A2M: variants seen among roughly 807,000 people sequenced by gnomAD.
The protein encoded by A2M is C3 and PZP-like alpha-2-macroglobulin domain-containing protein 5.
In A2M, 128 loss-of-function variants were observed where a neutral mutation model predicts 183.9. The observed-to-expected ratio is 0.70, with a 90% CI of 0.60 to 0.81. The LOEUF (loss-of-function observed/expected upper bound fraction) is 0.81, where lower values mean the gene tolerates loss of function less well. Among genes scored for constraint, A2M ranks in the 30% least tolerant of loss-of-function variants. The pLI, the probability that A2M is intolerant of heterozygous loss-of-function variation, is 0.00. For synonymous variants in A2M, 592 were observed against 670.8 expected, an observed-to-expected ratio of 0.88 and a Z score of 1.81; for missense variants, 1,495 against 1,787.6, an observed-to-expected ratio of 0.84 and a Z score of 2.95.
rs747761566 is a variant in A2M at position 9,079,619 on chromosome 12, T to A, written c.3031+20A>T. The A allele has an allele frequency of 6.2e-6, 10 of 1,604,346 alleles. No individual in the cohort carries two copies. In the South Asian group the frequency reaches 1.1e-4, roughly 18 times the overall value. On this transcript the variant is annotated intron_variant, in intron 24 of 35. Transcript: ENST00000318602. ...GTTGAAATAACATTCAAGTTTTCCC[T>A]TACTCAAGTAATCACTCACCAGTGT...
chr12:9,094,984 A>G lies in A2M; in HGVS notation c.2114T>C (p.Val705Ala). Residue 705 changes from valine to alanine, a missense_variant, in exon 17 of 36, where the codon GTA becomes GCA. Transcript: ENST00000318602. ...AATTTTTTGTTTACCATAAAAACCT[A>G]CACGTAGACCTTCAGGTCCATGCAT... Reference protein sequence around the residue: ...YEMHGPEGLRVGFYESDVMGR... With the variant: ...YEMHGPEGLRAGFYESDVMGR... 6.4e-7 allele frequency: 1 copy of G among 1,551,798 alleles called. No individual in the cohort carries two copies. The highest frequency in any genetic ancestry group is 8.7e-7 in the Non-Finnish European group (1 of 1,148,608).
chr12:9,082,959 G>A (rs1202179922), intron 22 of A2M, among the ~76,000 whole-genome samples: 1 of 152,172 alleles, frequency 6.6e-6, no homozygotes, highest in Non-Finnish European at 1.5e-5. Context: ...TGGGTCAAAT[G>A]TATTTCTAGT....
chr12:9,070,623 A>G, intron 31 of A2M, 45 bp from the exon 32 acceptor site: 1 of 1,382,782 alleles, frequency 7.2e-7, no homozygotes, highest in Non-Finnish European at 1.0e-6. Flanking sequence ...CTGTGTTTTT[A>G]AATATTTTCT....
chr12:9,068,718 C>A, intron 34 of A2M, 22 bp downstream of exon 34: 2 of 1,535,666 alleles, frequency 1.3e-6, no homozygotes, highest in Non-Finnish European at 1.8e-6. Context: ...AATATTTCTA[C>A]GTGAAAATCA....
At chr12:9,081,396 T>G (rs1392242847) in intron 22 of A2M, among the ~76,000 whole-genome samples, 2 of 152,136 alleles carry the variant, frequency 1.3e-5, no homozygotes, top group Admixed American at 1.3e-4. Flanking sequence ...ATTTAGGTAA[T>G]AAAGAGGAGG....
At chr12:9,107,476 A>C (rs1592388465) in intron 8 of A2M, 48 bp downstream of exon 8, 1 of 1,601,030 alleles carries the variant, frequency 6.2e-7, no homozygotes, top group East Asian at 2.2e-5. Context: ...ACTGCTTTTC[A>C]ACAATGCCTT....
chr12:9,110,897 A>G (rs947146793), intron 4 of A2M, among the ~76,000 whole-genome samples: 7 of 152,172 alleles, frequency 4.6e-5, no homozygotes, highest in African/African-American at 1.7e-4. Flanking sequence ...AGTGCCATTT[A>G]CTAAAAATGG....
Position 9,112,206 on chromosome 12 carries a change from ATTTC to A in A2M, c.432_435del (p.Lys145PhefsTer13). On this transcript the variant is annotated frameshift_variant and splice_region_variant, in exon 4 of 36. Transcript: ENST00000318602. LOFTEE classifies it high-confidence loss of function. ...TTTTCATCCATGGAGACAACACGAA[ATTTC>A]ACTGAAACAGAAATATTTTTCATGA... The A allele has an allele frequency of 6.2e-7, 1 of 1,613,840 alleles. No homozygotes were observed. The highest frequency in any genetic ancestry group is 8.5e-7 in the Non-Finnish European group (1 of 1,179,774).
At chr12:9,091,503 A>G in intron 18 of A2M, 74 bp from the exon 19 acceptor site, 3 of 1,492,398 alleles carry the variant, frequency 2.0e-6, no homozygotes, top group Non-Finnish European at 2.8e-6. Flanking sequence ...AATCCCTAGG[A>G]ATGATTCTAC....
At chr12:9,102,371 C>A (rs754467764) in intron 11 of A2M, among the ~76,000 whole-genome samples, 6 of 152,064 alleles carry the variant, frequency 3.9e-5, no homozygotes, top group Non-Finnish European at 5.9e-5. Context: ...CATGCCACCC[C>A]ACCCAGCTAA....
In A2M at chr12:9,093,787, G is replaced by A. The variant is rs756041055; in HGVS notation, c.2126-208C>T. Among the ~76,000 whole-genome samples, 20 of 149,738 alleles carry A rather than the reference G, an allele frequency of 1.3e-4. 1 individual carries two copies. The South Asian group carries it at 2.9e-3, about 22-fold the overall frequency. On this transcript the variant is annotated intron_variant, in intron 17 of 35. Transcript: ENST00000318602. ...CTTAACAAGCCAGGAGAGGCCGGGC[G>A]CGGTGGCTCATGCCTGTAATCCCAG...
At chr12:9,105,302 G>A (rs978980848) in intron 10 of A2M, among the ~76,000 whole-genome samples, 1 of 152,168 alleles carries the variant, frequency 6.6e-6, no homozygotes, top group Non-Finnish European at 1.5e-5. Flanking sequence ...TCTAGCTAGA[G>A]AGTCTTATGA....
intron 6 of A2M, 95 bp downstream of exon 6, chr12:9,109,772 G>A (rs940329387): frequency 4.0e-6 from 5 of 1,252,128 alleles, no homozygotes; most frequent in African/African-American, 1.5e-5. Flanking sequence ...TGTCACCCAT[G>A]GGAAATGGAA....
In A2M at chr12:9,106,268, G is replaced by A. The variant is rs1938275277; in HGVS notation, c.1072C>T (p.His358Tyr). ...AAGAAGGGAATTCCCTGTCGAAAGT[G>A]TGAGTCCACTTTCACAAATGAGAGT... Reference protein sequence around the residue: ...TKLSFVKVDSHFRQGIPFFGQ... With the variant: ...TKLSFVKVDSYFRQGIPFFGQ... Residue 358 changes from histidine to tyrosine, a missense_variant, in exon 10 of 36, where the codon CAC becomes TAC. Coordinates refer to ENST00000318602, the MANE Select transcript of A2M (RefSeq NM_000014.6). 11 of 1,613,066 alleles carry A rather than the reference G, an allele frequency of 6.8e-6. No homozygotes were observed. In the East Asian group the frequency reaches 2.5e-4, roughly 36 times the overall value.
chr12:9,106,744 T>C, intron 8 of A2M, 139 bp from the exon 9 acceptor site: 1 of 466,424 alleles, frequency 2.1e-6, no homozygotes, highest in East Asian at 3.1e-5. Flanking sequence ...ATAAATATTC[T>C]CTAGCAACTA....
intron 22 of A2M, among the ~76,000 whole-genome samples, chr12:9,082,686 G>C (rs549557342): frequency 5.7e-4 from 86 of 152,144 alleles, no homozygotes; most frequent in Non-Finnish European, 1.1e-3. Context: ...AACTGGCCAA[G>C]CTCAAAAAAT....
chr12:9,111,075 T>C (rs2137967128), intron 4 of A2M, among the ~76,000 whole-genome samples: 1 of 152,290 alleles, frequency 6.6e-6, no homozygotes, highest in East Asian at 1.9e-4. Context: ...TGAGGAGGAA[T>C]GGACATATTT....
intron 15 of A2M, among the ~76,000 whole-genome samples, chr12:9,097,157 T>C (rs226403): frequency 0.56 from 84,914 of 151,990 alleles, 25,285 homozygotes; most frequent in African/African-American, 0.76. Flanking sequence ...GTATAAAACA[T>C]GTATATTATT....
chr12:9,094,120 T>C (rs1245984250), intron 17 of A2M, among the ~76,000 whole-genome samples: 1 of 152,006 alleles, frequency 6.6e-6, no homozygotes, highest in Non-Finnish European at 1.5e-5. Context: ...CAAGTTTCCA[T>C]TGGTGTGCTC....
Sources: allele counts gnomAD v4.1 joint callset (sites outside exome capture counted in the v4.1 genomes callset), GRCh38; gene constraint gnomAD v4.1.1; transcripts MANE v1.5; gene names NCBI Gene and HGNC (gene_info 2026-07-23, HGNC 2026-07-21).